Variants in PHIP observed in about 807,000 individuals in gnomAD.
The protein encoded by PHIP is PH-interacting protein.
A neutral mutation model predicts 236.8 loss-of-function variants in PHIP; 54 were observed. The observed-to-expected ratio is 0.23, with a 90% CI of 0.18 to 0.29. The LOEUF (loss-of-function observed/expected upper bound fraction) is 0.29, where lower values mean the gene tolerates loss of function less well. Ranked by LOEUF, PHIP falls within the 10% of genes least tolerant of loss-of-function variation. The pLI is 1.00. For missense variants in PHIP, 1,370 were observed against 2,190.8 expected (o/e 0.63, Z 7.48); for synonymous variants, 756 against 718.9 (o/e 1.05, Z -0.83).
At chr6:78,973,835 A>G (rs1026139281) in intron 24 of PHIP, among the ~76,000 whole-genome samples, 2 of 151,868 alleles carry the variant, frequency 1.3e-5, no homozygotes, top group Non-Finnish European at 2.9e-5. Context: ...ACTATCCTAA[A>G]TATATATGCA....
At chr6:79,071,724 A>G (rs1417469287) in intron 4 of PHIP, among the ~76,000 whole-genome samples, 3 of 152,142 alleles carry the variant, frequency 2.0e-5, no homozygotes, top group African/African-American at 7.2e-5. Flanking sequence ...TTATACAAGG[A>G]AACTACTAGT....
chr6:79,068,951 T>C (rs1372486188), intron 4 of PHIP, among the ~76,000 whole-genome samples: 1 of 152,006 alleles, frequency 6.6e-6, no homozygotes, highest in East Asian at 1.9e-4. Flanking sequence ...CATCCTTATG[T>C]TCTGAACACC....
At chr6:79,041,641 G>A (rs748224369) in intron 7 of PHIP, among the ~76,000 whole-genome samples, 7 of 151,996 alleles carry the variant, frequency 4.6e-5, no homozygotes, top group Non-Finnish European at 1.0e-4. Flanking sequence ...AAACTTGAAT[G>A]GCTAAATTAA....
intron 6 of PHIP, among the ~76,000 whole-genome samples, chr6:79,044,307 A>G (rs1176764323): frequency 6.6e-6 from 1 of 152,134 alleles, no homozygotes; most frequent in Non-Finnish European, 1.5e-5. Context: ...GGAATTTCTA[A>G]AACAAGGTTT....
Position 79,078,160 on chromosome 6 carries a change from T to C in PHIP, c.-92A>G. Reference sequence around the variant, plus strand: ...GCCGCCTGCCCTATAGCTGTCAGTGTGTGTTCACGAGCCGAGCTTCGGCTC... The same window carrying C: ...GCCGCCTGCCCTATAGCTGTCAGTGCGTGTTCACGAGCCGAGCTTCGGCTC... On this transcript the variant is annotated 5_prime_UTR_variant, in exon 1 of 40. Coordinates refer to ENST00000275034, the MANE Select transcript of PHIP (RefSeq NM_017934.7). The C allele has an allele frequency of 7.8e-7, 1 of 1,286,006 alleles. No homozygotes were observed. The highest frequency in any genetic ancestry group is 1.1e-6 in the Non-Finnish European group (1 of 917,208). 79.7% of individuals were successfully genotyped at this position (1,286,006 alleles called of 1,614,324 possible). A position where few individuals can be genotyped will look rare whatever the true frequency, so the allele number is the denominator to read the frequency against.
rs377299946 is a variant in PHIP, at chr6:79,064,635, T to C, written c.190-3817A>G. Among the ~76,000 whole-genome samples the C allele has an allele frequency of 1.5e-4, 23 of 152,346 alleles. 1 individual carries two copies. In the East Asian group the frequency reaches 2.7e-3, roughly 18 times the overall value. ...TTGCAAACTATCTTCTCTTAACTTT[T>C]GTGACACTCCTTGGCTTGCTTTCTT... is the stretch of plus-strand genomic sequence containing the variant. On this transcript the variant is annotated intron_variant, in intron 4 of 39. Transcript: ENST00000275034.
Position 79,016,792 on chromosome 6 carries a change from A to G in PHIP, c.1137-150T>C, listed in dbSNP as rs1770851621. On this transcript the variant is annotated intron_variant, in intron 12 of 39. Transcript: ENST00000275034. ...TCTGAAACTTTATGGGCTTTTTAGA[A>G]TTTTATATGCAAACATTCCAATTTT... 5 of 509,252 alleles carry G rather than the reference A, an allele frequency of 9.8e-6. No homozygotes were observed. The East Asian group carries it at 1.5e-4, about 15-fold the overall frequency. The allele number at this position is 509,252 out of a possible 1,614,324, so 31.5% of individuals were successfully genotyped here.
chr6:79,077,507 G>A lies in PHIP; in HGVS notation c.130C>T (p.Leu44=), dbSNP rs143577194. Residue 44 remains leucine (L), a splice_region_variant and synonymous_variant, in exon 4 of 40, where the codon CTG becomes TTG. Transcript: ENST00000275034. ...GTCCAGTCGGTGCGCCGGGGCAGCA[G>A]CTGCGGGGAGAGGACACCCCGTGAG... is the stretch of plus-strand genomic sequence containing the variant. ...VLIREVAEKE[L]LPRRTDWTGK... The A allele has an allele frequency of 8.4e-6, 13 of 1,546,142 alleles. No homozygotes were observed. The highest frequency in any genetic ancestry group is 1.1e-5 in the Non-Finnish European group (13 of 1,144,654).
chr6:79,031,729 A>G (rs1429126717), intron 7 of PHIP, among the ~76,000 whole-genome samples: 1 of 152,236 alleles, frequency 6.6e-6, no homozygotes, highest in African/African-American at 2.4e-5. Context: ...TTTACTTTGT[A>G]ACCACTGTTA....
chr6:79,001,952 C>A lies in PHIP; in HGVS notation c.1826G>T (p.Arg609Leu). The change falls in exon 17 of 40, where the codon CGT (arginine) becomes CTT (leucine). Residue 609 changes from arginine (R) to leucine (L), a missense_variant. Coordinates refer to ENST00000275034, the MANE Select transcript of PHIP (RefSeq NM_017934.7). ...PSRYQRLVPG[R>L]ENCREEQLIP... The stretch of plus-strand genomic sequence containing the variant: ...GAGTTGCTCCTCCCTGCAATTTTCA[C>A]GGCCAGGAACTAATCTTTGATATCT... The A allele has an allele frequency of 6.2e-7, 1 of 1,613,044 alleles. No individual in the cohort carries two copies. Among genetic ancestry groups the A allele is most frequent in the Non-Finnish European group, 8.5e-7 (1 of 1,179,322 alleles).
chr6:78,973,167 A>C (rs1458444321), intron 24 of PHIP, among the ~76,000 whole-genome samples: 2 of 152,194 alleles, frequency 1.3e-5, no homozygotes, highest in East Asian at 3.9e-4. Context: ...CATTAGACTA[A>C]CAGCGGATCT....
At chr6:78,970,347 G>GC (rs1364742604) in intron 25 of PHIP, among the ~76,000 whole-genome samples, 174 bp from the exon 26 acceptor site, 1 of 151,832 alleles carries the variant, frequency 6.6e-6, no homozygotes, top group Non-Finnish European at 1.5e-5. Flanking sequence ...TTTATAGTAT[G>GC]CAAGTTACAA....
intron 35 of PHIP, among the ~76,000 whole-genome samples, chr6:78,948,510 T>C (rs1358787457): frequency 6.6e-6 from 1 of 152,136 alleles, no homozygotes; most frequent in Non-Finnish European, 1.5e-5. Context: ...CCCCCCCTTT[T>C]TGGGAGACAC....
intron 6 of PHIP, among the ~76,000 whole-genome samples, chr6:79,059,429 T>C (rs528282738): frequency 6.6e-6 from 1 of 151,570 alleles, no homozygotes; most frequent in Non-Finnish European, 1.5e-5. Context: ...GCCTTCAAAG[T>C]AGCAAGTTAG....
chr6:79,040,629 T>C (rs1772160792), intron 7 of PHIP, among the ~76,000 whole-genome samples: 1 of 152,086 alleles, frequency 6.6e-6, no homozygotes, highest in Non-Finnish European at 1.5e-5. Flanking sequence ...AGTCTGTGCC[T>C]AGTGAAATGC....
intron 7 of PHIP, among the ~76,000 whole-genome samples, chr6:79,040,446 A>G (rs1356095741): frequency 6.6e-6 from 1 of 152,166 alleles, no homozygotes; most frequent in Admixed American, 6.6e-5. Flanking sequence ...GTCTTAAAAT[A>G]CCAATTATAT....
intron 20 of PHIP, among the ~76,000 whole-genome samples, chr6:78,990,206 T>A (rs923443562): frequency 6.6e-6 from 1 of 152,148 alleles, no homozygotes; most frequent in Admixed American, 6.6e-5. Context: ...TTCCTCAATT[T>A]CAGACTCTAA....
chr6:78,979,610 A>G (rs1235130520), intron 23 of PHIP, among the ~76,000 whole-genome samples: 1 of 152,100 alleles, frequency 6.6e-6, no homozygotes, highest in East Asian at 1.9e-4. Context: ...AAGTGGCCAC[A>G]ATGGTCTTGA....
At chr6:78,963,869 A>G (rs951117485) in intron 29 of PHIP, among the ~76,000 whole-genome samples, 5 of 152,196 alleles carry the variant, frequency 3.3e-5, no homozygotes, top group African/African-American at 1.2e-4. Context: ...ACTCTAGAAA[A>G]TACGCCACTG....
Sources: allele counts gnomAD v4.1 joint callset (sites outside exome capture counted in the v4.1 genomes callset), GRCh38; gene constraint gnomAD v4.1.1; transcripts MANE v1.5; gene names NCBI Gene and HGNC (gene_info 2026-07-23, HGNC 2026-07-21).